INPP5D: variants seen among roughly 807,000 people sequenced by gnomAD.
INPP5D encodes the protein phosphatidylinositol 3,4,5-trisphosphate 5-phosphatase 1.
A neutral mutation model predicts 122.9 loss-of-function variants in INPP5D; 33 were observed. The ratio of observed to expected loss-of-function variants is 0.27; its 90% confidence interval spans 0.20 to 0.36. The LOEUF (loss-of-function observed/expected upper bound fraction) is 0.36, where lower values mean the gene tolerates loss of function less well. INPP5D is among the 10% of genes least tolerant of loss of function. The pLI is 1.00. For missense variants in INPP5D, 1,053 were observed against 1,412.7 expected (o/e 0.75, Z 4.08); for synonymous variants, 584 against 576.2 (o/e 1.01, Z -0.19).
chr2:233,157,713 A>G (rs140393955), intron 9 of INPP5D, among the ~76,000 whole-genome samples: 10,315 of 151,908 alleles, frequency 0.068, 619 homozygotes, highest in East Asian at 0.18. Flanking sequence ...ATAGGACATA[A>G]TGAAAACTGA....
chr2:233,144,596 AAGGTGGTAGTGGTGATGGTGATGGTGG>A (rs1693706319), intron 6 of INPP5D, among the ~76,000 whole-genome samples: 1 of 116,616 alleles, frequency 8.6e-6, no homozygotes, highest in Admixed American at 8.2e-5. Flanking sequence ...GGTGAGGGTG[AAGGTGGTAGTGGTGATGGTGATGGTGG>A]AGGTGGTTAT....
chr2:233,065,663 T>TGAGACAGAGTC (rs1691202314), intron 1 of INPP5D, among the ~76,000 whole-genome samples: 1 of 93,156 alleles, frequency 1.1e-5, no homozygotes. Context: ...TTTTTTTTTT[T>TGAGACAGAGTC]TGAGACAGAG....
At chr2:233,195,667 C>G (rs375620477) in intron 24 of INPP5D, among the ~76,000 whole-genome samples, 172 bp downstream of exon 24, 1 of 151,900 alleles carries the variant, frequency 6.6e-6, no homozygotes, top group Non-Finnish European at 1.5e-5. Context: ...AGCAACATAT[C>G]GAGACCCTGT....
rs377281795 is a variant in INPP5D, at chr2:233,120,483, CAAATA to C, written c.199-1611_199-1607del. 582 of 152,384 alleles carry C rather than the reference CAAATA, an allele frequency of 3.8e-3. 6 individuals carry two copies. Among genetic ancestry groups the C allele is most frequent in the African/African-American group, 0.013 (555 of 41,558 alleles). 9.4% of individuals were successfully genotyped at this position (152,384 alleles called of 1,614,324 possible). A position where few individuals can be genotyped will look rare whatever the true frequency, so the allele number is the denominator to read the frequency against. On this transcript the variant is annotated intron_variant, in intron 2 of 26. Coordinates refer to ENST00000445964, the MANE Select transcript of INPP5D (RefSeq NM_001017915.3). ...TGGGCAACAGAGTGAGACTCCATCTCAAATAAAATAAAATAAACAATCTGAAAGTC... is the reference window on the plus strand; with the variant it reads ...TGGGCAACAGAGTGAGACTCCATCTCAAATAAAATAAACAATCTGAAAGTC...
At chr2:233,114,320 A>T (rs184434765) in intron 2 of INPP5D, among the ~76,000 whole-genome samples, 19 of 152,186 alleles carry the variant, frequency 1.2e-4, no homozygotes, top group African/African-American at 4.3e-4. Flanking sequence ...GTGGGGCCCT[A>T]TGATTCTTAA....
Position 233,189,773 on chromosome 2 carries a change from C to T in INPP5D, c.2359-77C>T. The T allele has an allele frequency of 1.9e-6, 3 of 1,568,414 alleles. No homozygotes were observed. Among genetic ancestry groups the T allele is most frequent in the Non-Finnish European group, 2.6e-6 (3 of 1,158,424 alleles). On this transcript the variant is annotated intron_variant, in intron 21 of 26. Coordinates refer to ENST00000445964, the MANE Select transcript of INPP5D (RefSeq NM_001017915.3). The surrounding 1 kb of genome is among the most constrained non-coding windows in gnomAD (Gnocchi z 5.6). ...TACTAAGAACACCTTTCGTCATCTTCATCCACTTGTCCACCCACCTGTCCC... is the reference window on the plus strand; with the variant it reads ...TACTAAGAACACCTTTCGTCATCTTTATCCACTTGTCCACCCACCTGTCCC...
chr2:233,144,065 T>C lies in INPP5D; in HGVS notation c.754-2097T>C, dbSNP rs1403641555. Reference sequence around the variant, plus strand: ...GTGGTGATGGCGATGGTGGAGGTGGTCATGATCATGGAAAATAATAGGTGT... The same window carrying C: ...GTGGTGATGGCGATGGTGGAGGTGGCCATGATCATGGAAAATAATAGGTGT... On this transcript the variant is annotated intron_variant, in intron 6 of 26. Transcript: ENST00000445964. Among the ~76,000 whole-genome samples the C allele has an allele frequency of 1.4e-3, 197 of 136,096 alleles. 1 individual carries two copies. The highest frequency in any genetic ancestry group is 3.4e-3 in the South Asian group (15 of 4,424). 89.3% of individuals were successfully genotyped at this position (136,096 alleles called of 152,430 possible).
chr2:233,198,993 TA>T (rs1695260328), intron 25 of INPP5D, among the ~76,000 whole-genome samples: 2 of 151,374 alleles, frequency 1.3e-5, no homozygotes, highest in African/African-American at 4.9e-5. Flanking sequence ...CTCACGCCTG[TA>T]ATCCCAGCAC....
chr2:233,130,936 C>T (rs1159239672), intron 5 of INPP5D: 2 of 569,926 alleles, frequency 3.5e-6, no homozygotes, highest in East Asian at 8.4e-5. Context: ...AGCCCTTTCT[C>T]ACTTGCACAG....
chr2:233,195,526 G>A, intron 24 of INPP5D, 31 bp downstream of exon 24: 3 of 1,612,644 alleles, frequency 1.9e-6, no homozygotes, highest in Non-Finnish European at 2.5e-6. Context: ...GTGTTGGGGG[G>A]GGTGGATATC....
At chr2:233,099,647 A>G (rs762579291) in intron 2 of INPP5D, among the ~76,000 whole-genome samples, 1 of 152,246 alleles carries the variant, frequency 6.6e-6, no homozygotes, top group Non-Finnish European at 1.5e-5. Context: ...CACCCAACCC[A>G]TATTTTTAAA....
At chr2:233,148,500 T>A (rs1181045686) in intron 9 of INPP5D, among the ~76,000 whole-genome samples, 1 of 152,080 alleles carries the variant, frequency 6.6e-6, no homozygotes, top group African/African-American at 2.4e-5. Context: ...CAGAGCAGCA[T>A]GTGCAAACGC....
chr2:233,181,966 C>T (rs933992187), intron 18 of INPP5D, among the ~76,000 whole-genome samples: 9 of 152,132 alleles, frequency 5.9e-5, no homozygotes, highest in Non-Finnish European at 8.8e-5. Flanking sequence ...CATGGTGACA[C>T]GCACCTGTAC....
chr2:233,101,711 AAT>A (rs1692319089), intron 2 of INPP5D, among the ~76,000 whole-genome samples: 1 of 146,024 alleles, frequency 6.8e-6, no homozygotes, highest in East Asian at 1.9e-4. Context: ...TTATATAAAT[AAT>A]ATATATTATA....
At chr2:233,162,751 A>G (rs1247572414) in intron 11 of INPP5D, among the ~76,000 whole-genome samples, 1 of 152,172 alleles carries the variant, frequency 6.6e-6, no homozygotes, top group Non-Finnish European at 1.5e-5. Context: ...CCTGGAAGTG[A>G]AGTGACAGCT....
intron 13 of INPP5D, 72 bp from the exon 14 acceptor site, chr2:233,169,233 C>A: frequency 1.3e-6 from 2 of 1,544,530 alleles, no homozygotes; most frequent in East Asian, 2.4e-5. Context: ...ACCCTGCCTT[C>A]GGGTGATTTC....
chr2:233,108,692 A>G (rs966162633), intron 2 of INPP5D, among the ~76,000 whole-genome samples: 3 of 152,132 alleles, frequency 2.0e-5, no homozygotes, highest in Admixed American at 2.0e-4. Context: ...CCCCCTTGAA[A>G]GTTCCCACAA....
chr2:233,169,475 CAGA>C, intron 14 of INPP5D, 74 bp downstream of exon 14: 4 of 1,542,428 alleles, frequency 2.6e-6, no homozygotes, highest in East Asian at 4.9e-5. Context: ...CTTTAAGCAC[CAGA>C]AGGACCTGCT....
At chr2:233,162,817 C>A (rs1694230469) in intron 11 of INPP5D, among the ~76,000 whole-genome samples, 4 of 152,302 alleles carry the variant, frequency 2.6e-5, no homozygotes, top group African/African-American at 7.2e-5. Context: ...GGCCAGTGCC[C>A]CAGGGGGTCA....
Sources: allele counts gnomAD v4.1 joint callset (sites outside exome capture counted in the v4.1 genomes callset), GRCh38; gene constraint gnomAD v4.1.1; non-coding constraint Gnocchi (gnomAD v3.1); transcripts MANE v1.5; gene names NCBI Gene and HGNC (gene_info 2026-07-23, HGNC 2026-07-21).